Variants in DGAT2 observed in about 807,000 individuals in gnomAD.
DGAT2 encodes acyl-CoA retinol O-fatty-acyltransferase.
DGAT2 carries 33 observed loss-of-function variants against 48.4 expected under a neutral mutation model. The observed-to-expected ratio is 0.68, with a 90% CI of 0.52 to 0.91. The LOEUF is 0.91. DGAT2 is among the 40% of genes least tolerant of loss of function. The pLI, the probability that DGAT2 is intolerant of heterozygous loss-of-function variation, is 0.00. For synonymous variants in DGAT2, 191 were observed against 194.1 expected, an observed-to-expected ratio of 0.98 and a Z score of 0.13; for missense variants, 446 against 493.7, an observed-to-expected ratio of 0.90 and a Z score of 0.92.
chr11:75,786,035 G>A (rs780257123), intron 2 of DGAT2, among the ~76,000 whole-genome samples: 1 of 152,202 alleles, frequency 6.6e-6, no homozygotes, highest in Admixed American at 6.5e-5. Context: ...GGCTTTGAGT[G>A]GGGGGATCCA....
chr11:75,800,932 A>C lies in DGAT2; in HGVS notation c.*424A>C, dbSNP rs183005938. ...TACCCCACGCTCGTCTAGTCCTGAAACTGCAGGACCAGTTTCTCTGCCAAG... is the reference window on the plus strand; with the variant it reads ...TACCCCACGCTCGTCTAGTCCTGAACCTGCAGGACCAGTTTCTCTGCCAAG... On this transcript the variant is annotated 3_prime_UTR_variant, in exon 8 of 8. Transcript: ENST00000228027. 1 of 182,580 alleles carries C rather than the reference A, an allele frequency of 5.5e-6. No homozygotes were observed. Among genetic ancestry groups the C allele is most frequent in the East Asian group, 1.7e-4 (1 of 5,788 alleles). 11.3% of individuals were successfully genotyped at this position (182,580 alleles called of 1,614,324 possible). A position where few individuals can be genotyped will look rare whatever the true frequency, so the allele number is the denominator to read the frequency against.
chr11:75,790,359 T>G (rs1944973816), intron 3 of DGAT2, 64 bp downstream of exon 3: 2 of 1,355,452 alleles, frequency 1.5e-6, no homozygotes, highest in Non-Finnish European at 2.1e-6. Flanking sequence ...CTGCACAAGC[T>G]GAAGGGCCTC....
At chr11:75,779,134 G>A (rs76699195) in intron 1 of DGAT2, among the ~76,000 whole-genome samples, 65 of 152,286 alleles carry the variant, frequency 4.3e-4, no homozygotes, top group African/African-American at 1.5e-3. Flanking sequence ...GGTGCTCACA[G>A]ACACCCTTCA....
chr11:75,797,432 G>T (rs971608230), intron 6 of DGAT2, 100 bp downstream of exon 6: 4 of 1,268,018 alleles, frequency 3.2e-6, no homozygotes, highest in Non-Finnish European at 4.1e-6. Context: ...CCCCAGGAAG[G>T]CATGGAAGGG....
chr11:75,773,284 G>A (rs1944775309), intron 1 of DGAT2, among the ~76,000 whole-genome samples: 1 of 152,184 alleles, frequency 6.6e-6, no homozygotes, highest in Admixed American at 6.5e-5. Context: ...CTGCCCTGGA[G>A]GTACCCACAG....
intron 2 of DGAT2, among the ~76,000 whole-genome samples, chr11:75,785,946 G>A (rs1477038381): frequency 6.6e-6 from 1 of 152,264 alleles, no homozygotes; most frequent in Admixed American, 6.5e-5. Context: ...GCATTCCCCA[G>A]GGAGCCCACA....
intron 4 of DGAT2, among the ~76,000 whole-genome samples, chr11:75,791,654 G>T (rs2135775307): frequency 6.6e-6 from 1 of 152,338 alleles, no homozygotes; most frequent in East Asian, 1.9e-4. Context: ...CCTACTGCCT[G>T]TTTCTCTGGG....
intron 2 of DGAT2, among the ~76,000 whole-genome samples, chr11:75,788,946 C>T (rs1944953525): frequency 6.6e-6 from 1 of 152,092 alleles, no homozygotes; most frequent in African/African-American, 2.4e-5. Flanking sequence ...TGAGATAGGC[C>T]TTAAAGGTTG....
intron 4 of DGAT2, chr11:75,793,770 A>G (rs1321527571): frequency 3.3e-5 from 5 of 152,304 alleles, no homozygotes; most frequent in Middle Eastern, 6.8e-3. Context: ...CAAGTTTCCC[A>G]CCTGGTATTG....
chr11:75,772,597 A>G (rs543729589), intron 1 of DGAT2, among the ~76,000 whole-genome samples: 5 of 152,222 alleles, frequency 3.3e-5, no homozygotes, highest in African/African-American at 1.2e-4. Context: ...GCCACTTCCA[A>G]TCACCACATC....
intron 6 of DGAT2, among the ~76,000 whole-genome samples, chr11:75,797,642 C>T (rs1945071425): frequency 6.6e-6 from 1 of 152,174 alleles, no homozygotes; most frequent in South Asian, 2.1e-4. Flanking sequence ...ACCAGGAGGT[C>T]AGGAAGGAGG....
intron 1 of DGAT2, among the ~76,000 whole-genome samples, chr11:75,773,062 C>T (rs1944773349): frequency 6.6e-6 from 1 of 152,244 alleles, no homozygotes; most frequent in Non-Finnish European, 1.5e-5. Flanking sequence ...CTGTCTTTCT[C>T]AGTGCTGTGA....
chr11:75,799,231 G>A (rs542923463), intron 7 of DGAT2, among the ~76,000 whole-genome samples: 1 of 152,332 alleles, frequency 6.6e-6, no homozygotes, highest in East Asian at 1.9e-4. Context: ...TGTGGCTGGG[G>A]AGGGGCTGGG....
intron 7 of DGAT2, among the ~76,000 whole-genome samples, chr11:75,799,618 T>A (rs556638689): frequency 2.2e-4 from 33 of 152,034 alleles, no homozygotes; most frequent in African/African-American, 5.8e-4. Flanking sequence ...TTTATTTTTT[T>A]TTTTTTTATT....
Position 75,797,143 on chromosome 11 carries a change from C to T in DGAT2, c.635-15C>T. 6.8e-7 allele frequency: 1 copy of T among 1,467,028 alleles called. No homozygotes were observed. The highest frequency in any genetic ancestry group is 9.1e-7 in the Non-Finnish European group (1 of 1,102,128). 90.9% of individuals were successfully genotyped at this position (1,467,028 alleles called of 1,614,324 possible). A position where few individuals can be genotyped will look rare whatever the true frequency, so the allele number is the denominator to read the frequency against. ...CATGGGCAACCCTGACTGTTGCGTCCTTCCCTCCCCTCAGGTATCTGCCCT... is the reference window on the plus strand; with the variant it reads ...CATGGGCAACCCTGACTGTTGCGTCTTTCCCTCCCCTCAGGTATCTGCCCT... On this transcript the variant is annotated splice_polypyrimidine_tract_variant and intron_variant, in intron 5 of 7. Coordinates refer to ENST00000228027, the MANE Select transcript of DGAT2 (RefSeq NM_032564.5).
chr11:75,790,308 C>T lies in DGAT2; in HGVS notation c.358+13C>T. Reference sequence around the variant, plus strand: ...ACACCCAAGAAAGGTAAGTGCAAGGCCTCCCTTGCCCCACCTCTCATTCTA... The same window carrying T: ...ACACCCAAGAAAGGTAAGTGCAAGGTCTCCCTTGCCCCACCTCTCATTCTA... On this transcript the variant is annotated intron_variant, in intron 3 of 7. Transcript: ENST00000228027. 1 of 1,578,154 alleles carries T rather than the reference C, an allele frequency of 6.3e-7. No homozygotes were observed. Among genetic ancestry groups the T allele is most frequent in the East Asian group, 2.2e-5 (1 of 44,706 alleles).
In DGAT2 at chr11:75,801,367, G is replaced by A. The variant is rs2135784380; in HGVS notation, c.*859G>A. Reference sequence around the variant, plus strand: ...TTCTGAGCAGCAGATTAGTTCCAAAGCAGGTGGCCCCCGAACCCAAGCCTC... The same window carrying A: ...TTCTGAGCAGCAGATTAGTTCCAAAACAGGTGGCCCCCGAACCCAAGCCTC... On this transcript the variant is annotated 3_prime_UTR_variant, in exon 8 of 8. Coordinates refer to ENST00000228027, the MANE Select transcript of DGAT2 (RefSeq NM_032564.5). The A allele has an allele frequency of 6.5e-6, 1 of 152,768 alleles. No individual in the cohort carries two copies. The highest frequency in any genetic ancestry group is 1.9e-4 in the East Asian group (1 of 5,180). 9.5% of individuals were successfully genotyped at this position (152,768 alleles called of 1,614,324 possible). A position where few individuals can be genotyped will look rare whatever the true frequency, so the allele number is the denominator to read the frequency against.
chr11:75,799,716 C>G (rs185963464), intron 7 of DGAT2, among the ~76,000 whole-genome samples: 1 of 151,994 alleles, frequency 6.6e-6, no homozygotes, highest in East Asian at 1.9e-4. Context: ...TAGTCTCAAG[C>G]GATCCTCCCA....
chr11:75,800,249 T>C (rs1322164291), intron 7 of DGAT2, 105 bp from the exon 8 acceptor site: 1 of 1,372,540 alleles, frequency 7.3e-7, no homozygotes, highest in Non-Finnish European at 9.8e-7. Context: ...GCACAGTTCC[T>C]TCCACATGGC....
Sources: gnomAD v4.1 joint callset for allele counts (sites outside exome capture counted in the v4.1 genomes callset) on GRCh38, gnomAD v4.1.1 for gene constraint, MANE v1.5 for transcripts, NCBI Gene and HGNC (gene_info 2026-07-23, HGNC 2026-07-21) for gene names.